Variants in ZNF385D observed in about 807,000 individuals in gnomAD.
ZNF385D encodes zinc finger protein 659.
A neutral mutation model predicts 35.8 loss-of-function variants in ZNF385D; 15 were observed. The ratio of observed to expected loss-of-function variants is 0.42; its 90% CI spans 0.28 to 0.64. ZNF385D has a LOEUF of 0.64. Among genes scored for constraint, ZNF385D ranks in the 30% least tolerant of loss-of-function variants. The pLI is 0.23. For synonymous variants in ZNF385D, 212 were observed against 186.8 expected, an observed-to-expected ratio of 1.13 and a Z score of -1.10; for missense variants, 474 against 494.6, an observed-to-expected ratio of 0.96 and a Z score of 0.39.
chr3:22,294,963 A>G (rs1324614555), intron 2 of ZNF385D, among the ~76,000 whole-genome samples: 2 of 152,080 alleles, frequency 1.3e-5, no homozygotes, highest in Admixed American at 1.3e-4. Context: ...GGGTATAACT[A>G]TCTATCTCTG....
chr3:21,834,381 C>T (rs1014709153), intron 3 of ZNF385D, among the ~76,000 whole-genome samples: 1 of 152,118 alleles, frequency 6.6e-6, no homozygotes, highest in African/African-American at 2.4e-5. Context: ...TTTGTTCAAG[C>T]CTTCTTAGAA....
chr3:21,762,486 C>A (rs1405674139), intron 3 of ZNF385D, among the ~76,000 whole-genome samples: 1 of 152,200 alleles, frequency 6.6e-6, no homozygotes, highest in Admixed American at 6.5e-5. Context: ...TTAGTGACTA[C>A]TTTCCTTAGG....
At chr3:22,142,564 C>T (rs926888143) in intron 3 of ZNF385D, among the ~76,000 whole-genome samples, 1 of 151,972 alleles carries the variant, frequency 6.6e-6, no homozygotes, top group East Asian at 1.9e-4. Context: ...TAGCTGCTCT[C>T]TCCTTCCTCC....
intron 4 of ZNF385D, among the ~76,000 whole-genome samples, chr3:21,473,254 G>A (rs1381620967): frequency 6.6e-6 from 1 of 151,952 alleles, no homozygotes; most frequent in Non-Finnish European, 1.5e-5. Flanking sequence ...CTTTTCTGTG[G>A]AGGATGTGGT....
intron 4 of ZNF385D, among the ~76,000 whole-genome samples, chr3:21,474,407 G>T (rs1433880180): frequency 6.6e-6 from 1 of 152,074 alleles, no homozygotes; most frequent in Non-Finnish European, 1.5e-5. Context: ...AGGTGCCCCA[G>T]AAACAAATGT....
At chr3:21,674,895 A>AATGGATGG (rs150113836) in intron 1 of ZNF385D, among the ~76,000 whole-genome samples, 5,514 of 150,408 alleles carry the variant, frequency 0.037, 348 homozygotes, top group African/African-American at 0.12. Context: ...TTGTTTTAGA[A>AATGGATGG]ATGGATGGAT....
At chr3:21,791,207 A>C (rs1027984410) in intron 3 of ZNF385D, among the ~76,000 whole-genome samples, 2 of 151,938 alleles carry the variant, frequency 1.3e-5, no homozygotes, top group African/African-American at 4.8e-5. Flanking sequence ...CACAATGGAC[A>C]TTTTTTTTAA....
At chr3:22,137,275 C>T (rs1083730) in intron 3 of ZNF385D, among the ~76,000 whole-genome samples, 8 of 152,062 alleles carry the variant, frequency 5.3e-5, no homozygotes, top group East Asian at 1.9e-4. Flanking sequence ...ATTCTGAAAC[C>T]ATTCCAATCA....
intron 3 of ZNF385D, among the ~76,000 whole-genome samples, chr3:21,931,067 G>C (rs923521749): frequency 6.6e-6 from 1 of 151,920 alleles, no homozygotes. Context: ...TTTGATGAAG[G>C]ACTAGTACCC....
intron 3 of ZNF385D, among the ~76,000 whole-genome samples, chr3:21,868,507 A>G (rs1697504572): frequency 6.6e-6 from 1 of 152,114 alleles, no homozygotes; most frequent in Non-Finnish European, 1.5e-5. Context: ...TCTTCTTCAC[A>G]TGAATCATCC....
intron 3 of ZNF385D, among the ~76,000 whole-genome samples, chr3:22,095,087 T>TG (rs1701542115): frequency 1.7e-5 from 2 of 119,506 alleles, no homozygotes; most frequent in African/African-American, 6.2e-5. Flanking sequence ...TTTCATTCTT[T>TG]CTTTTTTTTT....
At chr3:21,800,370 T>C (rs1382658269) in intron 3 of ZNF385D, among the ~76,000 whole-genome samples, 5 of 152,186 alleles carry the variant, frequency 3.3e-5, no homozygotes, top group African/African-American at 7.2e-5. Flanking sequence ...ATCTATCCAA[T>C]CCATTAACAT....
chr3:22,299,753 A>C (rs1702795069), intron 2 of ZNF385D, among the ~76,000 whole-genome samples: 1 of 151,954 alleles, frequency 6.6e-6, no homozygotes, highest in Non-Finnish European at 1.5e-5. Context: ...GAATAAATTT[A>C]ACCAAAGCAG....
intron 1 of ZNF385D, among the ~76,000 whole-genome samples, chr3:21,706,808 A>G (rs1429200246): frequency 1.4e-5 from 2 of 143,984 alleles, no homozygotes; most frequent in East Asian, 4.1e-4. Flanking sequence ...ACACAAAGAT[A>G]ATAGATGATA....
chr3:22,280,185 G>A (rs1701663462), intron 2 of ZNF385D, among the ~76,000 whole-genome samples: 1 of 152,014 alleles, frequency 6.6e-6, no homozygotes, highest in Non-Finnish European at 1.5e-5. Context: ...TCCTTTGTCA[G>A]ATGTATAGAT....
chr3:21,698,613 A>C (rs929280657), intron 1 of ZNF385D, among the ~76,000 whole-genome samples: 3 of 151,306 alleles, frequency 2.0e-5, no homozygotes, highest in African/African-American at 7.3e-5. Flanking sequence ...AATATCCAGA[A>C]TCTACAAAGA....
At chr3:21,714,020 G>A (rs916365670) in intron 1 of ZNF385D, among the ~76,000 whole-genome samples, 6 of 152,010 alleles carry the variant, frequency 3.9e-5, no homozygotes, top group East Asian at 3.9e-4. Flanking sequence ...TAACACCCAC[G>A]CACACATCCT....
At position 22,301,456 on chromosome 3, in the gene ZNF385D, T is replaced by C. The variant is rs114357199; in HGVS notation, c.106+70994A>G. ...TTCTCACCACAAAGGAATAAGTATGTACAGTAATGCATATTTGATCAGATT... is the reference window on the plus strand; with the variant it reads ...TTCTCACCACAAAGGAATAAGTATGCACAGTAATGCATATTTGATCAGATT... On this transcript the variant is annotated intron_variant, in intron 2 of 5. Transcript: ENST00000494108. Among the ~76,000 whole-genome samples the C allele has an allele frequency of 8.0e-3, 1,225 of 152,208 alleles. 32 individuals are homozygous for C. The highest frequency in any genetic ancestry group is 0.076 in the East Asian group (392 of 5,182).
chr3:21,972,914 G>A (rs1015481250), intron 3 of ZNF385D, among the ~76,000 whole-genome samples: 5 of 151,886 alleles, frequency 3.3e-5, no homozygotes, highest in African/African-American at 4.8e-5. Context: ...TAATGTGATC[G>A]AAGCCATAAT....
Sources: allele counts gnomAD v4.1 joint callset (sites outside exome capture counted in the v4.1 genomes callset), GRCh38; gene constraint gnomAD v4.1.1; transcripts MANE v1.5; gene names NCBI Gene and HGNC (gene_info 2026-07-23, HGNC 2026-07-21).